Variants in SLAIN1 observed in about 807,000 individuals in gnomAD.
SLAIN1 encodes SLAIN motif-containing protein 1.
A neutral mutation model predicts 55.4 loss-of-function variants in SLAIN1; 17 were observed. That is an observed-to-expected ratio of 0.31 (90% CI 0.21 to 0.46). The LOEUF (loss-of-function observed/expected upper bound fraction) is 0.46. SLAIN1 is among the 20% of genes least tolerant of loss of function. SLAIN1 has a pLI of 1.00. For synonymous variants in SLAIN1, 348 were observed against 337.4 expected (o/e 1.03, Z -0.35); for missense variants, 682 against 785.1 (o/e 0.87, Z 1.57).
chr13:77,759,739 C>T (rs1874868760), intron 5 of SLAIN1, among the ~76,000 whole-genome samples: 1 of 152,106 alleles, frequency 6.6e-6, no homozygotes, highest in South Asian at 2.1e-4. Context: ...TGATGTACCA[C>T]ATTTACTGAT....
chr13:77,757,484 A>T (rs1874686711), intron 5 of SLAIN1, among the ~76,000 whole-genome samples: 1 of 151,362 alleles, frequency 6.6e-6, no homozygotes, highest in South Asian at 2.1e-4. Context: ...GTTTTTGGTT[A>T]CATGGATAAG....
chr13:77,735,238 C>T (rs902911017), intron 2 of SLAIN1, among the ~76,000 whole-genome samples: 25 of 152,170 alleles, frequency 1.6e-4, no homozygotes, highest in Non-Finnish European at 3.2e-4. Flanking sequence ...ATGATTTGCT[C>T]CAAATTTCAA....
chr13:77,698,241 A>C lies in SLAIN1; in HGVS notation c.328A>C (p.Ser110Arg). ...LALGAGGGGG[S>R]GSGSGGGSSP... is the part of the protein sequence containing the mutation. Reference sequence around the variant, plus strand: ...GCTGGGCGCGGGGGGCGGTGGCGGCAGCGGTAGTGGCAGCGGCGGTGGCTC... The same window carrying C: ...GCTGGGCGCGGGGGGCGGTGGCGGCCGCGGTAGTGGCAGCGGCGGTGGCTC... The change falls in exon 1 of 7, where the codon AGC becomes CGC. Residue 110 changes from serine (S) to arginine (R), a missense_variant. Physicochemically the swap from Ser to Arg is moderately radical, Grantham distance 110 (BLOSUM62 -1). Transcript: ENST00000418532. The surrounding 1 kb of genome is among the most constrained non-coding windows in gnomAD (Gnocchi z 4.1). The C allele has an allele frequency of 7.3e-7, 1 of 1,365,046 alleles. No homozygotes were observed. The highest frequency in any genetic ancestry group is 9.5e-7 in the Non-Finnish European group (1 of 1,054,260). 84.6% of individuals were successfully genotyped at this position (1,365,046 alleles called of 1,614,324 possible).
At chr13:77,752,936 A>G (rs544101580) in intron 4 of SLAIN1, among the ~76,000 whole-genome samples, 3 of 152,298 alleles carry the variant, frequency 2.0e-5, no homozygotes, top group East Asian at 3.9e-4. Flanking sequence ...CAACACCCTC[A>G]CAGACACACC....
chr13:77,743,060 T>C, intron 2 of SLAIN1: 1 of 1,300,612 alleles, frequency 7.7e-7, no homozygotes, highest in South Asian at 1.2e-5. Flanking sequence ...CTCACTGGCT[T>C]TTCCTTATAG....
chr13:77,719,643 A>G lies in SLAIN1; in HGVS notation c.738A>G (p.Arg246=). ...DNPTPEMEAA[R]RSLCFRLEQG... Reference sequence around the variant, plus strand: ...CAACTCCTGAGATGGAAGCAGCGAGACGTTCCCTGTGCTTTAGACTGGAGC... The same window carrying G: ...CAACTCCTGAGATGGAAGCAGCGAGGCGTTCCCTGTGCTTTAGACTGGAGC... The change falls in exon 2 of 7, where the codon AGA becomes AGG. Residue 246 remains arginine, a synonymous_variant. Transcript: ENST00000418532. The G allele has an allele frequency of 6.2e-7, 1 of 1,613,492 alleles. No homozygotes were observed. The highest frequency in any genetic ancestry group is 1.3e-5 in the African/African-American group (1 of 75,002).
intron 2 of SLAIN1, among the ~76,000 whole-genome samples, chr13:77,722,903 C>T (rs147713629): frequency 0.02 from 2,996 of 152,130 alleles, 36 homozygotes; most frequent in Middle Eastern, 0.048. Context: ...CACGCAACCA[C>T]GCCTGGCTAA....
At chr13:77,707,977 T>G (rs553612518) in intron 1 of SLAIN1, among the ~76,000 whole-genome samples, 1 of 152,282 alleles carries the variant, frequency 6.6e-6, no homozygotes, top group East Asian at 1.9e-4. Context: ...AGGTAGACTT[T>G]CAACTGGATT....
chr13:77,734,025 C>G (rs963777627), intron 2 of SLAIN1, among the ~76,000 whole-genome samples: 1 of 152,142 alleles, frequency 6.6e-6, no homozygotes, highest in East Asian at 1.9e-4. Flanking sequence ...AAATTGCTGT[C>G]TTCACCTTGG....
intron 2 of SLAIN1, among the ~76,000 whole-genome samples, chr13:77,734,071 T>C (rs1479134151): frequency 6.6e-6 from 1 of 152,120 alleles, no homozygotes; most frequent in Non-Finnish European, 1.5e-5. Flanking sequence ...AGTGTAAACA[T>C]TTGAGCACAT....
At chr13:77,755,643 T>C (rs2154410883) in intron 5 of SLAIN1, among the ~76,000 whole-genome samples, 1 of 152,284 alleles carries the variant, frequency 6.6e-6, no homozygotes, top group South Asian at 2.1e-4. Context: ...GGATTATAAC[T>C]GATGGAATAA....
chr13:77,758,109 T>C (rs1874735469), intron 5 of SLAIN1, among the ~76,000 whole-genome samples: 1 of 152,178 alleles, frequency 6.6e-6, no homozygotes, highest in Non-Finnish European at 1.5e-5. Context: ...TTTTGACTTT[T>C]TAATTATGGC....
intron 2 of SLAIN1, among the ~76,000 whole-genome samples, chr13:77,728,071 T>A (rs2091324441): frequency 1.3e-5 from 2 of 152,288 alleles, no homozygotes; most frequent in South Asian, 4.1e-4. Flanking sequence ...TTATTCAACA[T>A]AGAAAATCTA....
intron 6 of SLAIN1, among the ~76,000 whole-genome samples, chr13:77,761,674 A>ATG (rs1030930590): frequency 6.6e-6 from 1 of 152,200 alleles, no homozygotes; most frequent in Non-Finnish European, 1.5e-5. Flanking sequence ...TCTTAATGAC[A>ATG]TTCACCTGGG....
At chr13:77,756,341 A>G (rs1375574549) in intron 5 of SLAIN1, among the ~76,000 whole-genome samples, 3 of 152,086 alleles carry the variant, frequency 2.0e-5, no homozygotes, top group African/African-American at 7.2e-5. Flanking sequence ...GCATCCATTA[A>G]TATGTAATAG....
chr13:77,754,474 A>T (rs1445520377), intron 5 of SLAIN1, among the ~76,000 whole-genome samples: 3 of 152,210 alleles, frequency 2.0e-5, no homozygotes, highest in Non-Finnish European at 2.9e-5. Flanking sequence ...AAGGCCATAC[A>T]GTTGGAAGAG....
rs1317427972 is a variant in SLAIN1, at chr13:77,760,949, G to A, written c.1536G>A (p.Met512Ile). The change falls in exon 6 of 7, where the codon ATG becomes ATA. Residue 512 changes from methionine (M) to isoleucine (I), a missense_variant. Coordinates refer to ENST00000418532, the MANE Select transcript of SLAIN1 (RefSeq NM_001242868.2). The stretch of plus-strand genomic sequence containing the variant: ...CAACCGTTCAAGGCAGCAGTAACAT[G>A]CCTTTATCAAACGGCTTACAGCTGT... ...VSPTVQGSSN[M>I]PLSNGLQLYS... 3 of 1,614,142 alleles carry A rather than the reference G, an allele frequency of 1.9e-6. No homozygotes were observed. The highest frequency in any genetic ancestry group is 3.3e-5 in the Admixed American group (2 of 60,022).
At position 77,746,861 on chromosome 13, in the gene SLAIN1, T is replaced by A; in HGVS notation, c.1258+6T>A. 6.3e-7 allele frequency: 1 copy of A among 1,591,342 alleles called. No homozygotes were observed. The highest frequency in any genetic ancestry group is 8.6e-7 in the Non-Finnish European group (1 of 1,166,634). Reference sequence around the variant, plus strand: ...ACCAAATAGGACCAATGGAGGTAGGTTGTATGCTTTTTTGGTATTTGATAT... The same window carrying A: ...ACCAAATAGGACCAATGGAGGTAGGATGTATGCTTTTTTGGTATTTGATAT... On this transcript the variant is annotated splice_donor_region_variant and intron_variant, in intron 4 of 6. Transcript: ENST00000418532.
At chr13:77,700,927 C>T (rs531843681) in intron 1 of SLAIN1, among the ~76,000 whole-genome samples, 2 of 152,232 alleles carry the variant, frequency 1.3e-5, no homozygotes, top group Admixed American at 1.3e-4. Flanking sequence ...TACCGTGACT[C>T]AGAATTCACC....
Sources: gnomAD v4.1 joint callset for allele counts (sites outside exome capture counted in the v4.1 genomes callset) on GRCh38, gnomAD v4.1.1 for gene constraint, Gnocchi (gnomAD v3.1) non-coding constraint, MANE v1.5 for transcripts, NCBI Gene and HGNC (gene_info 2026-07-23, HGNC 2026-07-21) for gene names.